PHF21B: variants seen among roughly 807,000 people sequenced by gnomAD.
PHF21B encodes the protein PHD finger protein 4.
PHF21B carries 22 observed loss-of-function variants against 62.2 expected under a neutral mutation model. That is an observed-to-expected ratio of 0.35 (90% confidence interval 0.25 to 0.51). PHF21B has a LOEUF of 0.51. Among genes scored for constraint, PHF21B ranks in the 20% least tolerant of loss-of-function variants. The pLI, the probability that PHF21B is intolerant of heterozygous loss-of-function variation, is 0.97. For missense variants in PHF21B, 701 were observed against 707.9 expected, an observed-to-expected ratio of 0.99 and a Z score of 0.11; for synonymous variants, 341 against 314.7, an observed-to-expected ratio of 1.08 and a Z score of -0.88.
intron 5 of PHF21B, among the ~76,000 whole-genome samples, chr22:44,906,504 C>T (rs141201489): frequency 1.0e-3 from 159 of 152,294 alleles, no homozygotes; most frequent in African/African-American, 3.7e-3. Context: ...CTGCCCTTTG[C>T]AGGGCGTGTA....
At chr22:44,901,007 TA>T (rs2147272806) in intron 5 of PHF21B, among the ~76,000 whole-genome samples, 2 of 152,376 alleles carry the variant, frequency 1.3e-5, no homozygotes, top group South Asian at 4.1e-4. Context: ...AGCATCACCA[TA>T]CCATGAAAAG....
chr22:44,934,401 C>A (rs1161809373), intron 2 of PHF21B, among the ~76,000 whole-genome samples: 1 of 152,198 alleles, frequency 6.6e-6, no homozygotes, highest in Admixed American at 6.5e-5. Context: ...TACAGACGTC[C>A]ACATCCAACA....
chr22:44,933,400 TGCGCTCG>T (rs2071780805), intron 2 of PHF21B: 3 of 949,148 alleles, frequency 3.2e-6, no homozygotes, highest in Non-Finnish European at 3.8e-6. Context: ...CGTGAGCCAC[TGCGCTCG>T]GCCTCTTCTA....
intron 2 of PHF21B, among the ~76,000 whole-genome samples, chr22:45,002,462 G>A (rs1257086396): frequency 1.3e-5 from 2 of 152,162 alleles, no homozygotes. Context: ...CTGAAGGCTG[G>A]GGGAGGGTCA....
chr22:45,009,909 C>A lies in PHF21B; in HGVS notation c.-360G>T, dbSNP rs1360820979. The A allele has an allele frequency of 6.8e-6, 1 of 146,594 alleles. No individual in the cohort carries two copies. The highest frequency in any genetic ancestry group is 1.5e-5 in the Non-Finnish European group (1 of 65,676). The allele number at this position is 146,594 out of a possible 1,614,324, so 9.1% of individuals were successfully genotyped here. A position where few individuals can be genotyped will look rare whatever the true frequency, so the allele number is the denominator to read the frequency against. On this transcript the variant is annotated 5_prime_UTR_variant, in exon 1 of 13. In the 5' UTR this introduces an upstream ATG that the reference lacks. Transcript: ENST00000313237. The surrounding 1 kb of genome is among the most constrained non-coding windows in gnomAD (Gnocchi z 5.9). Reference sequence around the variant, plus strand: ...CGCCGCCGCCTCCTCCCGCGCGAGCCTCCCGCGGGCAGGGACTATATTTCC... The same window carrying A: ...CGCCGCCGCCTCCTCCCGCGCGAGCATCCCGCGGGCAGGGACTATATTTCC...
At position 44,920,414 on chromosome 22, in the gene PHF21B, G is replaced by A. The variant is rs1197836173; in HGVS notation, c.197C>T (p.Ala66Val). The change falls in exon 3 of 13, where the codon GCG becomes GTG. Residue 66 changes from alanine to valine, a missense_variant. Coordinates refer to ENST00000313237, the MANE Select transcript of PHF21B (RefSeq NM_138415.5). Reference protein sequence around the residue: ...SSLQRLAGQGAAVLPQVRPKT... With the variant: ...SSLQRLAGQGVAVLPQVRPKT... ...GCTGCTTACCTGAGGTAGCACTGCCGCTCCTTGCCCGGCCAACCTCTGCAA... is the reference window on the plus strand; with the variant it reads ...GCTGCTTACCTGAGGTAGCACTGCCACTCCTTGCCCGGCCAACCTCTGCAA... 8 of 1,611,236 alleles carry A rather than the reference G, an allele frequency of 5.0e-6. No individual in the cohort carries two copies. The highest frequency in any genetic ancestry group is 2.7e-5 in the African/African-American group (2 of 74,960).
intron 2 of PHF21B, among the ~76,000 whole-genome samples, chr22:44,956,708 C>G (rs986321317): frequency 6.6e-6 from 1 of 152,104 alleles, no homozygotes; most frequent in African/African-American, 2.4e-5. Context: ...GCCTGACCAC[C>G]GGAAAGGCCC....
chr22:44,953,479 A>C lies in PHF21B; in HGVS notation c.121-32989T>G, dbSNP rs182707063. 1.8e-3 allele frequency among the ~76,000 whole-genome samples: 275 copies of C among 151,974 alleles called. 6 individuals carry two copies. Among genetic ancestry groups the C allele is most frequent in the Admixed American group, 0.016 (247 of 15,276 alleles). Reference sequence around the variant, plus strand: ...CCTTTCGTTTTATTTTTCCTGCTCTAATTTATTAATTAGCTTCTCTGCTTG... The same window carrying C: ...CCTTTCGTTTTATTTTTCCTGCTCTCATTTATTAATTAGCTTCTCTGCTTG... On this transcript the variant is annotated intron_variant, in intron 2 of 12. Coordinates refer to ENST00000313237, the MANE Select transcript of PHF21B (RefSeq NM_138415.5).
intron 2 of PHF21B, among the ~76,000 whole-genome samples, chr22:45,006,565 C>T (rs528493363): frequency 4.6e-5 from 7 of 152,186 alleles, no homozygotes; most frequent in Non-Finnish European, 1.0e-4. Context: ...AATAGCGACT[C>T]ATTTACTATC....
chr22:44,911,077 G>C (rs1459636636), intron 5 of PHF21B, among the ~76,000 whole-genome samples: 1 of 152,224 alleles, frequency 6.6e-6, no homozygotes, highest in African/African-American at 2.4e-5. Flanking sequence ...TTTTGCCTCT[G>C]CTCTAGAGAC....
intron 5 of PHF21B, among the ~76,000 whole-genome samples, chr22:44,898,881 T>C (rs2071106422): frequency 6.6e-6 from 1 of 152,358 alleles, no homozygotes; most frequent in African/African-American, 2.4e-5. Flanking sequence ...TACCATTTAC[T>C]GAAAATTCCA....
At chr22:44,926,393 G>A (rs1400798579) in intron 2 of PHF21B, among the ~76,000 whole-genome samples, 1 of 152,252 alleles carries the variant, frequency 6.6e-6, no homozygotes, top group Admixed American at 6.5e-5. Context: ...TATCCAATAG[G>A]GGCCAGAGAA....
At chr22:44,991,636 C>T (rs566534781) in intron 2 of PHF21B, among the ~76,000 whole-genome samples, 18 of 152,274 alleles carry the variant, frequency 1.2e-4, no homozygotes, top group Non-Finnish European at 1.8e-4. Flanking sequence ...TTACAGAGCT[C>T]GGGGGACCCT....
chr22:44,951,231 C>T lies in PHF21B; in HGVS notation c.121-30741G>A, dbSNP rs185384559. On this transcript the variant is annotated intron_variant, in intron 2 of 12. Transcript: ENST00000313237. ...AGCCGTGCTCCAGTGCCAGCATCAC[C>T]GCCTCAGCTCCACCGCAGATCATCG... Among the ~76,000 whole-genome samples the T allele has an allele frequency of 6.6e-5, 10 of 152,296 alleles. No homozygotes were observed. In the East Asian group the frequency reaches 1.9e-3, roughly 29 times the overall value.
chr22:44,907,315 G>A (rs138050792), intron 5 of PHF21B, among the ~76,000 whole-genome samples: 15 of 152,360 alleles, frequency 9.8e-5, no homozygotes, highest in Non-Finnish European at 1.9e-4. Context: ...GTGAGGTCAC[G>A]GCCCGGCTGG....
intron 2 of PHF21B, among the ~76,000 whole-genome samples, chr22:44,925,146 A>G (rs886168227): frequency 6.6e-6 from 1 of 152,176 alleles, no homozygotes; most frequent in African/African-American, 2.4e-5. Context: ...GAGATGGTGC[A>G]GGGACGAGAG....
At chr22:45,001,506 T>A (rs1294123240) in intron 2 of PHF21B, among the ~76,000 whole-genome samples, 6 of 151,884 alleles carry the variant, frequency 4.0e-5, no homozygotes, top group Non-Finnish European at 8.8e-5. Context: ...CACAAATACC[T>A]CACTGGGCCT....
chr22:44,981,874 CCA>C (rs1481535142), intron 2 of PHF21B, among the ~76,000 whole-genome samples: 3 of 152,356 alleles, frequency 2.0e-5, no homozygotes, highest in African/African-American at 7.2e-5. Flanking sequence ...AAAAGTGTAT[CCA>C]GTTACTATGG....
chr22:44,886,019 T>G, intron 10 of PHF21B, 81 bp from the exon 11 acceptor site: 1 of 1,359,700 alleles, frequency 7.4e-7, no homozygotes, highest in South Asian at 1.2e-5. Context: ...TGTGTAACCC[T>G]GAGGGGGCAC....
Sources: gnomAD v4.1 joint callset for allele counts (sites outside exome capture counted in the v4.1 genomes callset) on GRCh38, gnomAD v4.1.1 for gene constraint, Gnocchi (gnomAD v3.1) non-coding constraint, MANE v1.5 for transcripts, NCBI Gene and HGNC (gene_info 2026-07-23, HGNC 2026-07-21) for gene names.